Variants in RBM47 observed in about 807,000 individuals in gnomAD.
RBM47 encodes the protein RNA binding motif protein 47.
In RBM47, 21 loss-of-function variants were observed where a neutral mutation model predicts 47.1. The ratio of observed to expected loss-of-function variants is 0.45; its 90% CI spans 0.32 to 0.64. RBM47 has a LOEUF of 0.64. RBM47 is among the 30% of genes least tolerant of loss of function. The pLI, the probability that RBM47 is intolerant of heterozygous loss-of-function variation, is 0.05. For missense variants in RBM47, 708 were observed against 870.9 expected, an observed-to-expected ratio of 0.81 and a Z score of 2.35; for synonymous variants, 375 against 361.7, an observed-to-expected ratio of 1.04 and a Z score of -0.42.
intron 2 of RBM47, among the ~76,000 whole-genome samples, chr4:40,527,436 ATT>A (rs60524903): frequency 0.15 from 15,131 of 104,196 alleles, 362 homozygotes; most frequent in African/African-American, 0.22. Flanking sequence ...ACACCTGGCA[ATT>A]TTTTTTTTTT....
chr4:40,459,407 GT>G (rs1296519779), intron 3 of RBM47, among the ~76,000 whole-genome samples: 2 of 151,988 alleles, frequency 1.3e-5, no homozygotes. Flanking sequence ...TATTTACTAA[GT>G]TTTGTGGGAG....
chr4:40,574,618 G>T (rs1347866228), intron 1 of RBM47, among the ~76,000 whole-genome samples: 8 of 152,226 alleles, frequency 5.3e-5, no homozygotes, highest in Admixed American at 5.2e-4. Flanking sequence ...GGGAAGCTGA[G>T]GTGGGCAGAT....
At chr4:40,553,463 A>AT (rs1306284784) in intron 1 of RBM47, among the ~76,000 whole-genome samples, 2 of 151,856 alleles carry the variant, frequency 1.3e-5, no homozygotes, top group East Asian at 1.9e-4. Context: ...ATGCATGGCT[A>AT]TTTTTTGTAT....
chr4:40,621,594 A>T (rs528271642), intron 1 of RBM47, among the ~76,000 whole-genome samples: 3 of 152,344 alleles, frequency 2.0e-5, no homozygotes, highest in African/African-American at 7.2e-5. Flanking sequence ...AGGTGAAAAG[A>T]GATAGTTAAG....
chr4:40,470,029 T>C (rs1718617059), intron 2 of RBM47, among the ~76,000 whole-genome samples: 1 of 152,182 alleles, frequency 6.6e-6, no homozygotes, highest in Non-Finnish European at 1.5e-5. Context: ...CCTGACACAA[T>C]ATTGGATACT....
intron 2 of RBM47, among the ~76,000 whole-genome samples, chr4:40,511,032 A>G (rs1724858851): frequency 6.6e-6 from 1 of 152,122 alleles, no homozygotes; most frequent in Admixed American, 6.6e-5. Flanking sequence ...CAACTGAAGG[A>G]TTTTTCATTA....
At chr4:40,586,537 G>A (rs1458050113) in intron 1 of RBM47, among the ~76,000 whole-genome samples, 7 of 150,852 alleles carry the variant, frequency 4.6e-5, no homozygotes, top group Non-Finnish European at 1.0e-4. Context: ...AGATGAAAAC[G>A]CCTTACCCTG....
chr4:40,426,386 G>T (rs1479308792), intron 6 of RBM47, among the ~76,000 whole-genome samples: 1 of 152,182 alleles, frequency 6.6e-6, no homozygotes, highest in Non-Finnish European at 1.5e-5. Flanking sequence ...GGCCTGGAAG[G>T]CTGAGGGAAA....
At chr4:40,467,872 TC>T (rs1718286514) in intron 2 of RBM47, among the ~76,000 whole-genome samples, 1 of 152,150 alleles carries the variant, frequency 6.6e-6, no homozygotes, top group African/African-American at 2.4e-5. Context: ...TATACAAGAT[TC>T]AATATGGCAC....
At chr4:40,596,516 G>A (rs759371069) in intron 1 of RBM47, among the ~76,000 whole-genome samples, 5 of 152,158 alleles carry the variant, frequency 3.3e-5, no homozygotes, top group Non-Finnish European at 7.4e-5. Context: ...GGCTTTTTGA[G>A]CCATACAGTT....
chr4:40,425,917 TA>T lies in RBM47; in HGVS notation c.1768del (p.Tyr590ThrfsTer19). On this transcript the variant is annotated frameshift_variant, in exon 7 of 7. Transcript: ENST00000295971. LOFTEE classifies it high-confidence loss of function. ...TGGTCACCAGCCTCAGTATGTCTGG[TA>T]GACGTCGGGGATGGGGACCTGAATG... is the stretch of plus-strand genomic sequence containing the variant. ...AAIQVPIPDV[Y>X]QTY 3 of 1,614,180 alleles carry T rather than the reference TA, an allele frequency of 1.9e-6. No homozygotes were observed. Among genetic ancestry groups the T allele is most frequent in the Non-Finnish European group, 1.7e-6 (2 of 1,180,022 alleles).
At chr4:40,502,318 T>C (rs1391695674) in intron 2 of RBM47, among the ~76,000 whole-genome samples, 1 of 152,138 alleles carries the variant, frequency 6.6e-6, no homozygotes, top group Non-Finnish European at 1.5e-5. Flanking sequence ...GTTATTCTGT[T>C]CAAAAAATGG....
At chr4:40,459,364 A>C (rs1250887278) in intron 3 of RBM47, among the ~76,000 whole-genome samples, 1 of 152,210 alleles carries the variant, frequency 6.6e-6, no homozygotes, top group Non-Finnish European at 1.5e-5. Context: ...ACTAACATCC[A>C]CCAAATTGCT....
intron 1 of RBM47, among the ~76,000 whole-genome samples, chr4:40,618,124 C>T (rs578201467): frequency 1.3e-5 from 2 of 152,096 alleles, no homozygotes; most frequent in East Asian, 3.9e-4. Flanking sequence ...CACCCGTAAT[C>T]CCAGCTACTT....
intron 1 of RBM47, among the ~76,000 whole-genome samples, chr4:40,611,079 C>T (rs2154279322): frequency 6.6e-6 from 1 of 152,204 alleles, no homozygotes; most frequent in African/African-American, 2.4e-5. Flanking sequence ...TAAACGTTTC[C>T]CTCATCCCCT....
At chr4:40,577,068 A>T (rs1732406364) in intron 1 of RBM47, among the ~76,000 whole-genome samples, 1 of 152,164 alleles carries the variant, frequency 6.6e-6, no homozygotes. Context: ...CGAATCATTA[A>T]CTTTCAGCCC....
At chr4:40,526,750 G>A (rs1199288537) in intron 2 of RBM47, among the ~76,000 whole-genome samples, 1 of 123,328 alleles carries the variant, frequency 8.1e-6, no homozygotes, top group African/African-American at 3.0e-5. Flanking sequence ...TTTATTTTAT[G>A]TAGAGACAGG....
At chr4:40,442,674 C>A (rs1414076180) in intron 3 of RBM47, among the ~76,000 whole-genome samples, 4 of 152,004 alleles carry the variant, frequency 2.6e-5, no homozygotes, top group African/African-American at 4.8e-5. Flanking sequence ...ATTATTCAGC[C>A]TTTTTTCTTT....
intron 2 of RBM47, among the ~76,000 whole-genome samples, chr4:40,501,403 C>T (rs990050356): frequency 6.6e-6 from 1 of 152,212 alleles, no homozygotes; most frequent in African/African-American, 2.4e-5. Flanking sequence ...GAGAGATACA[C>T]AGCCCATACT....
Sources: gnomAD v4.1 joint callset for allele counts (sites outside exome capture counted in the v4.1 genomes callset) on GRCh38, gnomAD v4.1.1 for gene constraint, MANE v1.5 for transcripts, NCBI Gene and HGNC (gene_info 2026-07-23, HGNC 2026-07-21) for gene names.